Variants in PLOD2 observed in about 807,000 individuals in gnomAD.
PLOD2 encodes the protein lysine hydroxylase 2.
PLOD2 carries 65 observed loss-of-function variants against 101.0 expected under a neutral mutation model. The observed-to-expected ratio is 0.64, with a 90% CI of 0.53 to 0.79. The LOEUF (loss-of-function observed/expected upper bound fraction) is 0.79. Among genes scored for constraint, PLOD2 ranks in the 30% least tolerant of loss-of-function variants. The pLI is 0.00. For missense variants in PLOD2, 909 were observed against 914.6 expected (o/e 0.99, Z 0.08); for synonymous variants, 314 against 302.9 (o/e 1.04, Z -0.38).
At chr3:146,142,071 C>A (rs769506580) in intron 1 of PLOD2, among the ~76,000 whole-genome samples, 9 of 152,052 alleles carry the variant, frequency 5.9e-5, no homozygotes, top group Non-Finnish European at 1.3e-4. Flanking sequence ...CATACATCTA[C>A]TGTATGTAAC....
intron 1 of PLOD2, among the ~76,000 whole-genome samples, chr3:146,144,710 G>T (rs1449467034): frequency 2.0e-5 from 3 of 151,930 alleles, no homozygotes; most frequent in Non-Finnish European, 2.9e-5. Flanking sequence ...AAAAATCATG[G>T]CTTGAAGAAT....
At chr3:146,098,830 A>C (rs2108046830) in intron 7 of PLOD2, among the ~76,000 whole-genome samples, 1 of 152,254 alleles carries the variant, frequency 6.6e-6, no homozygotes, top group African/African-American at 2.4e-5. Flanking sequence ...AGTAAAACTA[A>C]CTTACAAAAA....
At chr3:146,137,979 T>G (rs2031330989) in intron 1 of PLOD2, among the ~76,000 whole-genome samples, 1 of 152,010 alleles carries the variant, frequency 6.6e-6, no homozygotes, top group Admixed American at 6.6e-5. Flanking sequence ...CTCAAAGACA[T>G]GAGAATATTT....
At chr3:146,137,528 C>T (rs1368249128) in intron 1 of PLOD2, among the ~76,000 whole-genome samples, 1 of 152,190 alleles carries the variant, frequency 6.6e-6, no homozygotes, top group African/African-American at 2.4e-5. Context: ...GGATTACAGA[C>T]ATGAGCCACA....
intron 1 of PLOD2, among the ~76,000 whole-genome samples, chr3:146,137,529 A>G (rs1458918490): frequency 6.6e-6 from 1 of 152,186 alleles, no homozygotes; most frequent in Non-Finnish European, 1.5e-5. Context: ...GATTACAGAC[A>G]TGAGCCACAG....
chr3:146,095,540 G>C (rs1009569960), intron 7 of PLOD2, among the ~76,000 whole-genome samples: 3 of 151,932 alleles, frequency 2.0e-5, no homozygotes, highest in Non-Finnish European at 2.9e-5. Flanking sequence ...AATGGCAATC[G>C]CTAAAGTCTG....
intron 1 of PLOD2, among the ~76,000 whole-genome samples, chr3:146,137,684 G>A (rs1023976050): frequency 9.2e-5 from 14 of 152,086 alleles, no homozygotes; most frequent in African/African-American, 3.4e-4. Context: ...GAGATTGTTG[G>A]GTCACACCCC....
Position 146,121,200 on chromosome 3 carries a change from T to C in PLOD2, c.250A>G (p.Ile84Val). 1.2e-6 allele frequency: 2 copies of C among 1,608,876 alleles called. No individual in the cohort carries two copies. Among genetic ancestry groups the C allele is most frequent in the East Asian group, 2.2e-5 (1 of 44,808 alleles). ...AATCTCACTTTCTGGCCCCCTCCAA[T>C]ACTATTAATTCCATCACCACCTCTC... ...EWRGGDGINS[I>V]GGGQKVRLMK... is the part of the protein sequence containing the mutation. Residue 84 changes from isoleucine (I) to valine (V), a missense_variant, in exon 3 of 20, where the codon ATT becomes GTT. Physicochemically the swap from Ile to Val is conservative, Grantham distance 29. Transcript: ENST00000282903.
At chr3:146,159,561 T>C (rs1428645016) in intron 1 of PLOD2, among the ~76,000 whole-genome samples, 1 of 152,242 alleles carries the variant, frequency 6.6e-6, no homozygotes, top group Non-Finnish European at 1.5e-5. Flanking sequence ...GGCTTTTTGT[T>C]CTGTTTTTCC....
At chr3:146,078,603 C>CTATG (rs996686530) in intron 13 of PLOD2, among the ~76,000 whole-genome samples, 1 of 151,762 alleles carries the variant, frequency 6.6e-6, no homozygotes, top group African/African-American at 2.4e-5. Context: ...AGTAAATACA[C>CTATG]TATGTATCTC....
intron 2 of PLOD2, among the ~76,000 whole-genome samples, chr3:146,121,902 C>CATG (rs1271142203): frequency 1.3e-5 from 2 of 152,176 alleles, no homozygotes; most frequent in Non-Finnish European, 2.9e-5. Context: ...ATTGGAAATG[C>CATG]ATGATGACAC....
At chr3:146,091,476 G>A (rs1316471855) in intron 8 of PLOD2, among the ~76,000 whole-genome samples, 1 of 151,360 alleles carries the variant, frequency 6.6e-6, no homozygotes, top group Non-Finnish European at 1.5e-5. Flanking sequence ...CAATAAAAAT[G>A]CTGAAGCCTT....
At chr3:146,149,540 T>C (rs1330437040) in intron 1 of PLOD2, among the ~76,000 whole-genome samples, 3 of 152,218 alleles carry the variant, frequency 2.0e-5, no homozygotes, top group Admixed American at 6.5e-5. Flanking sequence ...CCCGGTTTTT[T>C]AGGATATTTA....
chr3:146,097,316 G>A (rs866687374), intron 7 of PLOD2, among the ~76,000 whole-genome samples: 1,602 of 148,170 alleles, frequency 0.011, 33 homozygotes, highest in African/African-American at 0.037. Flanking sequence ...GGCTCATTGG[G>A]GATGGGCCAT....
At chr3:146,074,836 A>C (rs1936275557) in intron 15 of PLOD2, among the ~76,000 whole-genome samples, 1 of 151,610 alleles carries the variant, frequency 6.6e-6, no homozygotes, top group Non-Finnish European at 1.5e-5. Flanking sequence ...ATAATGGGAT[A>C]ATCAATAAGC....
chr3:146,092,107 C>CA lies in PLOD2; in HGVS notation c.778-207dup, dbSNP rs3838608. 0.52 allele frequency among the ~76,000 whole-genome samples: 76,995 copies of CA among 149,478 alleles called. 19,693 individuals are homozygous for CA. The highest frequency in any genetic ancestry group is 0.57 in the East Asian group (2,891 of 5,102). ...CAGGACAAAGTATGTCTAGAAATGT[C>CA]AAAAAAAAAGTCTTATAAATCATAA... is the stretch of plus-strand genomic sequence containing the variant. On this transcript the variant is annotated intron_variant, in intron 7 of 19. Transcript: ENST00000282903.
chr3:146,077,727 C>T (rs1190418251), intron 14 of PLOD2, 135 bp downstream of exon 14: 2 of 595,036 alleles, frequency 3.4e-6, no homozygotes, highest in East Asian at 2.8e-5. Flanking sequence ...CACGCAAACA[C>T]ACAGATGACT....
intron 1 of PLOD2, among the ~76,000 whole-genome samples, chr3:146,138,053 G>A (rs989640398): frequency 5.9e-5 from 9 of 152,118 alleles, no homozygotes; most frequent in Non-Finnish European, 1.3e-4. Context: ...ATGGTTAATT[G>A]CAAATTACCA....
chr3:146,073,652 G>C (rs1470216332), intron 15 of PLOD2: 2 of 165,040 alleles, frequency 1.2e-5, no homozygotes, highest in African/African-American at 4.8e-5. Context: ...ACTCACGATG[G>C]GGTTATGTCC....
Sources: gnomAD v4.1 joint callset for allele counts (sites outside exome capture counted in the v4.1 genomes callset) on GRCh38, gnomAD v4.1.1 for gene constraint, MANE v1.5 for transcripts, NCBI Gene and HGNC (gene_info 2026-07-23, HGNC 2026-07-21) for gene names.